The following SPTLC3 variants were observed in gnomAD, a reference collection of about 807,000 sequenced individuals.
The protein encoded by SPTLC3 is serine palmitoyltransferase 3.
In SPTLC3, 36 loss-of-function variants were observed where a neutral mutation model predicts 59.3. The ratio of observed to expected loss-of-function variants is 0.61; its 90% confidence interval spans 0.47 to 0.80. The LOEUF (loss-of-function observed/expected upper bound fraction) is 0.80. SPTLC3 is among the 30% of genes least tolerant of loss of function. SPTLC3 has a pLI of 0.00. For synonymous variants in SPTLC3, 257 were observed against 240.8 expected, an observed-to-expected ratio of 1.07 and a Z score of -0.62; for missense variants, 625 against 685.1, an observed-to-expected ratio of 0.91 and a Z score of 0.98.
At chr20:13,146,666 G>A (rs1056624242) in intron 9 of SPTLC3, among the ~76,000 whole-genome samples, 1 of 152,102 alleles carries the variant, frequency 6.6e-6, no homozygotes, top group Non-Finnish European at 1.5e-5. Context: ...TATATTATTT[G>A]ATATCTGCCT....
chr20:13,079,837 GA>G, intron 4 of SPTLC3: 4 of 460,784 alleles, frequency 8.7e-6, no homozygotes, highest in East Asian at 7.3e-5. Context: ...CCTGGTCATG[GA>G]AAATGGGCAG....
chr20:13,049,438 C>G (rs1352710396), intron 2 of SPTLC3: 2 of 242,796 alleles, frequency 8.2e-6, no homozygotes, highest in Non-Finnish European at 1.6e-5. Flanking sequence ...AAGATAAAAA[C>G]ATCAAAATAT....
At chr20:13,057,537 C>T (rs1271486986) in intron 2 of SPTLC3, among the ~76,000 whole-genome samples, 3 of 152,134 alleles carry the variant, frequency 2.0e-5, no homozygotes, top group African/African-American at 7.2e-5. Flanking sequence ...ATTTCTAACT[C>T]AAATATTCTG....
At position 13,023,401 on chromosome 20, in the gene SPTLC3, C is replaced by A. The variant is rs117612301; in HGVS notation, c.117+14017C>A. 6.2e-4 allele frequency among the ~76,000 whole-genome samples: 95 copies of A among 152,260 alleles called. No homozygotes were observed. The East Asian group carries it at 0.015, about 25-fold the overall frequency. On this transcript the variant is annotated intron_variant, in intron 1 of 11. Transcript: ENST00000399002. ...GTGAGGTCCACCTGGGCAGGAATTT[C>A]TATCTTTTTCACTGCTGAATCTCTA... is the stretch of plus-strand genomic sequence containing the variant.
chr20:13,039,378 C>T (rs75976023), intron 1 of SPTLC3, among the ~76,000 whole-genome samples: 3,461 of 152,086 alleles, frequency 0.023, 107 homozygotes, highest in African/African-American at 0.078. Flanking sequence ...TCCATCTCTC[C>T]AGCAACAGTT....
At chr20:13,137,781 C>T (rs560824980) in intron 9 of SPTLC3, among the ~76,000 whole-genome samples, 1 of 152,184 alleles carries the variant, frequency 6.6e-6, no homozygotes, top group Admixed American at 6.5e-5. Flanking sequence ...GCAATCCAGG[C>T]CTTCCGTGAT....
intron 6 of SPTLC3, among the ~76,000 whole-genome samples, chr20:13,103,308 T>A (rs6109702): frequency 0.38 from 58,428 of 152,106 alleles, 13,977 homozygotes; most frequent in African/African-American, 0.69. Context: ...AAAGTAAGAA[T>A]AATTTCTTTG....
chr20:13,024,349 A>T (rs543421299), intron 1 of SPTLC3, among the ~76,000 whole-genome samples: 2 of 151,988 alleles, frequency 1.3e-5, no homozygotes, highest in East Asian at 3.9e-4. Flanking sequence ...TCATATATCT[A>T]CTACCTAGAT....
At chr20:13,013,058 T>C (rs1352570093) in intron 1 of SPTLC3, among the ~76,000 whole-genome samples, 1 of 152,218 alleles carries the variant, frequency 6.6e-6, no homozygotes, top group Non-Finnish European at 1.5e-5. Flanking sequence ...ATGTGACTTT[T>C]GAGAGACTTT....
At chr20:13,048,877 A>G in intron 1 of SPTLC3, 68 bp from the exon 2 acceptor site, 1 of 1,363,508 alleles carries the variant, frequency 7.3e-7, no homozygotes, top group Non-Finnish European at 9.8e-7. Context: ...GAAAGTTCAC[A>G]ATTTTAGGTA....
At chr20:13,129,593 A>G (rs2038074627) in intron 9 of SPTLC3, among the ~76,000 whole-genome samples, 1 of 152,260 alleles carries the variant, frequency 6.6e-6, no homozygotes, top group Non-Finnish European at 1.5e-5. Context: ...TTGTGTCTCA[A>G]CAAAAATTTT....
intron 7 of SPTLC3, among the ~76,000 whole-genome samples, chr20:13,112,370 C>T (rs1990279734): frequency 6.6e-6 from 1 of 152,188 alleles, no homozygotes; most frequent in Admixed American, 6.5e-5. Context: ...GCCAGAACTC[C>T]CTTACAACGT....
chr20:13,035,046 T>C (rs1467701783), intron 1 of SPTLC3, among the ~76,000 whole-genome samples: 1 of 152,112 alleles, frequency 6.6e-6, no homozygotes, highest in Non-Finnish European at 1.5e-5. Context: ...TCTTCCCTCA[T>C]TCATGAAACC....
chr20:13,074,317 G>C, intron 3 of SPTLC3, 32 bp from the exon 4 acceptor site: 1 of 1,610,386 alleles, frequency 6.2e-7, no homozygotes, highest in African/African-American at 1.3e-5. Context: ...CTGGGGAGGG[G>C]ATTATGTGCT....
intron 9 of SPTLC3, among the ~76,000 whole-genome samples, chr20:13,131,944 C>T (rs879569614): frequency 2.0e-4 from 30 of 152,062 alleles, no homozygotes; most frequent in Non-Finnish European, 4.4e-4. Context: ...CTCGCTCAGC[C>T]TACTACAGGC....
At chr20:13,139,628 C>G (rs776556185) in intron 9 of SPTLC3, among the ~76,000 whole-genome samples, 2 of 152,174 alleles carry the variant, frequency 1.3e-5, no homozygotes, top group African/African-American at 4.8e-5. Flanking sequence ...GTTTGTAACT[C>G]AGTCACATGA....
chr20:13,091,374 A>G (rs1989211903), intron 5 of SPTLC3, among the ~76,000 whole-genome samples, 167 bp downstream of exon 5: 1 of 152,060 alleles, frequency 6.6e-6, no homozygotes, highest in Non-Finnish European at 1.5e-5. Context: ...AGAGACCTAG[A>G]TCATCCTGGC....
chr20:13,147,764 AG>A (rs1431303099), intron 9 of SPTLC3, among the ~76,000 whole-genome samples: 2 of 152,220 alleles, frequency 1.3e-5, no homozygotes, highest in Non-Finnish European at 2.9e-5. Flanking sequence ...AGCATGTATG[AG>A]GTCATGCAGT....
chr20:13,044,003 T>G (rs1436282752), intron 1 of SPTLC3, among the ~76,000 whole-genome samples: 1 of 152,118 alleles, frequency 6.6e-6, no homozygotes, highest in African/African-American at 2.4e-5. Context: ...CCCTCACCTC[T>G]TCCTCCCTCT....
Sources: gnomAD v4.1 joint callset for allele counts (sites outside exome capture counted in the v4.1 genomes callset) on GRCh38, gnomAD v4.1.1 for gene constraint, MANE v1.5 for transcripts, NCBI Gene and HGNC (gene_info 2026-07-23, HGNC 2026-07-21) for gene names.